APBA2: variants seen among roughly 807,000 people sequenced by gnomAD.
APBA2 encodes amyloid-beta A4 precursor protein-binding family A member 2.
In APBA2, 30 loss-of-function variants were observed where a neutral mutation model predicts 75.0. The ratio of observed to expected loss-of-function variants is 0.40; its 90% confidence interval spans 0.30 to 0.54. APBA2 has a LOEUF of 0.54. APBA2 is among the 20% of genes least tolerant of loss of function. The probability of loss-of-function intolerance (pLI) is 0.49; values close to 1 mark genes in which losing one functional copy is unlikely to be tolerated. For synonymous variants in APBA2, 444 were observed against 409.6 expected (o/e 1.08, Z -1.01); for missense variants, 801 against 1,016.1 (o/e 0.79, Z 2.88).
chr15:28,912,327 A>T (rs558413215), intron 1 of APBA2, among the ~76,000 whole-genome samples: 2 of 152,328 alleles, frequency 1.3e-5, no homozygotes, highest in South Asian at 2.1e-4. Context: ...CATGTGGGTT[A>T]TTCAAAGATC....
At chr15:28,889,113 C>A (rs1217470128) in intron 1 of APBA2, among the ~76,000 whole-genome samples, 2 of 152,048 alleles carry the variant, frequency 1.3e-5, no homozygotes, top group Non-Finnish European at 2.9e-5. Flanking sequence ...TCCTCCCCAA[C>A]CCCCTGCCGC....
intron 1 of APBA2, among the ~76,000 whole-genome samples, chr15:28,901,410 G>T (rs894733532): frequency 1.3e-5 from 2 of 152,114 alleles, no homozygotes; most frequent in Non-Finnish European, 2.9e-5. Context: ...TCTCTCTATG[G>T]TCTCCTGGCT....
At chr15:28,980,223 C>T (rs537713266) in intron 2 of APBA2, among the ~76,000 whole-genome samples, 17 of 152,130 alleles carry the variant, frequency 1.1e-4, no homozygotes, top group African/African-American at 3.6e-4. Flanking sequence ...AAAAAGTGAA[C>T]CTTCCTGAGC....
chr15:28,897,636 A>AAAG (rs1555369425), intron 1 of APBA2, among the ~76,000 whole-genome samples: 1 of 150,926 alleles, frequency 6.6e-6, no homozygotes, highest in South Asian at 2.1e-4. Flanking sequence ...AAAAAAAAAA[A>AAAG]AGAGAAAAAG....
chr15:28,940,703 T>C (rs1366616533), intron 2 of APBA2, among the ~76,000 whole-genome samples: 1 of 152,042 alleles, frequency 6.6e-6, no homozygotes, highest in African/African-American at 2.4e-5. Context: ...CAGTCCCGGG[T>C]CATGTCTTGA....
At chr15:28,907,929 CA>C (rs1358628761) in intron 1 of APBA2, among the ~76,000 whole-genome samples, 2 of 152,216 alleles carry the variant, frequency 1.3e-5, no homozygotes, top group Admixed American at 1.3e-4. Flanking sequence ...TTGACATATA[CA>C]GGGGGAACCC....
intron 3 of APBA2, among the ~76,000 whole-genome samples, chr15:29,025,028 T>C (rs771686266): frequency 2.6e-5 from 4 of 152,172 alleles, no homozygotes; most frequent in Non-Finnish European, 5.9e-5. Context: ...CACCAAAGCA[T>C]GTTTAGATTC....
chr15:29,035,688 C>T (rs1467830267), intron 3 of APBA2, among the ~76,000 whole-genome samples: 2 of 152,160 alleles, frequency 1.3e-5, no homozygotes, highest in African/African-American at 2.4e-5. Context: ...ACGTTCGAAG[C>T]AGGGGTTCTC....
At chr15:28,908,638 G>C (rs879319681) in intron 1 of APBA2, among the ~76,000 whole-genome samples, 144 of 152,206 alleles carry the variant, frequency 9.5e-4, no homozygotes, top group Non-Finnish European at 1.2e-3. Context: ...TTTACACTGG[G>C]GCTTTTCTTT....
chr15:28,908,496 G>A (rs944395994), intron 1 of APBA2, among the ~76,000 whole-genome samples: 5 of 151,996 alleles, frequency 3.3e-5, no homozygotes, highest in African/African-American at 7.3e-5. Flanking sequence ...ATTTTTAGTG[G>A]AGATGGGGTT....
At chr15:28,937,948 C>T (rs549866664) in intron 2 of APBA2, among the ~76,000 whole-genome samples, 3 of 152,284 alleles carry the variant, frequency 2.0e-5, no homozygotes, top group South Asian at 2.1e-4. Context: ...TGAGCCACCG[C>T]GCCTGGCCCC....
intron 4 of APBA2, among the ~76,000 whole-genome samples, chr15:29,071,931 A>T (rs1406367702): frequency 7.9e-5 from 12 of 152,004 alleles, no homozygotes; most frequent in Admixed American, 7.9e-4. Context: ...TCCCATGGGT[A>T]GGGCATGGGG....
chr15:28,899,486 C>G (rs2152627429), intron 1 of APBA2, among the ~76,000 whole-genome samples: 1 of 152,364 alleles, frequency 6.6e-6, no homozygotes, highest in Admixed American at 6.5e-5. Context: ...CTTGAGTGAG[C>G]ACAGCCATGG....
At chr15:28,931,202 A>T (rs928949571) in intron 2 of APBA2, among the ~76,000 whole-genome samples, 2 of 152,142 alleles carry the variant, frequency 1.3e-5, no homozygotes, top group Non-Finnish European at 2.9e-5. Context: ...GCATCTGTTG[A>T]TGTGGGATGC....
chr15:29,113,354 G>C (rs531432444), intron 13 of APBA2, among the ~76,000 whole-genome samples: 10 of 152,238 alleles, frequency 6.6e-5, no homozygotes, highest in African/African-American at 1.9e-4. Context: ...CACTTGGCGG[G>C]GGGGGGATGT....
intron 1 of APBA2, among the ~76,000 whole-genome samples, chr15:28,917,472 T>C (rs1369521039): frequency 6.6e-6 from 1 of 152,216 alleles, no homozygotes; most frequent in African/African-American, 2.4e-5. Context: ...GCCTTTTGAA[T>C]GAATCAACCA....
chr15:29,088,426 C>T (rs1224389171), intron 6 of APBA2, among the ~76,000 whole-genome samples: 1 of 152,180 alleles, frequency 6.6e-6, no homozygotes, highest in South Asian at 2.1e-4. Flanking sequence ...GAATCCCCAA[C>T]CCAAGCTCAG....
At chr15:29,034,288 A>G (rs750418698) in intron 3 of APBA2, among the ~76,000 whole-genome samples, 1 of 152,028 alleles carries the variant, frequency 6.6e-6, no homozygotes, top group Non-Finnish European at 1.5e-5. Context: ...CAAAGCCCCA[A>G]CCCTCTAGTA....
intron 2 of APBA2, among the ~76,000 whole-genome samples, chr15:28,976,710 G>T (rs1035299096): frequency 3.4e-4 from 51 of 152,130 alleles, no homozygotes; most frequent in Non-Finnish European, 7.4e-5. Flanking sequence ...AAATTGCTGG[G>T]TTCACTTGGC....
Sources: allele counts gnomAD v4.1 joint callset (sites outside exome capture counted in the v4.1 genomes callset), GRCh38; gene constraint gnomAD v4.1.1; transcripts MANE v1.5; gene names NCBI Gene and HGNC (gene_info 2026-07-23, HGNC 2026-07-21).